Variants in FER observed in about 807,000 individuals in gnomAD.
FER encodes the protein FER tyrosine kinase.
In FER, 63 loss-of-function variants were observed where a neutral mutation model predicts 111.0. The observed-to-expected ratio is 0.57, with a 90% confidence interval of 0.46 to 0.70. The LOEUF is 0.70. FER is among the 30% of genes least tolerant of loss of function. The pLI is 0.00. For synonymous variants in FER, 327 were observed against 313.9 expected (o/e 1.04, Z -0.44); for missense variants, 914 against 954.0 (o/e 0.96, Z 0.55).
At chr5:109,105,860 T>G (rs1422343790) in intron 17 of FER, among the ~76,000 whole-genome samples, 1 of 152,226 alleles carries the variant, frequency 6.6e-6, no homozygotes, top group Non-Finnish European at 1.5e-5. Flanking sequence ...TGATTTTTAT[T>G]CATATCGTTC....
chr5:109,050,715 T>C lies in FER; in HGVS notation c.1924+3517T>C, dbSNP rs143033120. On this transcript the variant is annotated intron_variant, in intron 16 of 19. Transcript: ENST00000281092. ...CATGGAAAATCTTATTCTGTGGGCC[T>C]TGTCTGAATTTTAAACTGATACCAA... Among the ~76,000 whole-genome samples, 315 of 152,294 alleles carry C rather than the reference T, an allele frequency of 2.1e-3. 1 individual carries two copies. Among genetic ancestry groups the C allele is most frequent in the African/African-American group, 7.2e-3 (299 of 41,558 alleles).
At chr5:108,911,467 G>T (rs1171974108) in intron 10 of FER, among the ~76,000 whole-genome samples, 1 of 152,024 alleles carries the variant, frequency 6.6e-6, no homozygotes, top group African/African-American at 2.4e-5. Flanking sequence ...AAACTTTCTA[G>T]TTTAAGTCTC....
chr5:109,119,662 C>G lies in FER; in HGVS notation c.2048+19143C>G, dbSNP rs180807221. On this transcript the variant is annotated intron_variant, in intron 17 of 19. Transcript: ENST00000281092. Reference sequence around the variant, plus strand: ...GGAGTCTAAGTCTCTTTGTAGGTCTCTAAGGACTTGCTTTATGAATCTGGG... The same window carrying G: ...GGAGTCTAAGTCTCTTTGTAGGTCTGTAAGGACTTGCTTTATGAATCTGGG... Among the ~76,000 whole-genome samples the G allele has an allele frequency of 3.1e-3, 464 of 152,120 alleles. 1 individual carries two copies. The highest frequency in any genetic ancestry group is 0.011 in the African/African-American group (438 of 41,502).
At chr5:109,123,149 C>A (rs1751211064) in intron 17 of FER, among the ~76,000 whole-genome samples, 9 of 140,580 alleles carry the variant, frequency 6.4e-5, no homozygotes, top group Admixed American at 5.7e-4. Context: ...TTCCTTCCTT[C>A]CTGTCTTGTT....
At chr5:108,782,168 G>A (rs62361341) in intron 2 of FER, among the ~76,000 whole-genome samples, 36,527 of 152,062 alleles carry the variant, frequency 0.24, 4,687 homozygotes, top group African/African-American at 0.32. Context: ...TGTTCCTCCA[G>A]TTTGTGGGGC....
intron 10 of FER, among the ~76,000 whole-genome samples, chr5:108,906,889 G>T (rs1750853859): frequency 6.6e-6 from 1 of 152,060 alleles, no homozygotes; most frequent in Admixed American, 6.6e-5. Flanking sequence ...TCTACCAGTT[G>T]AAACCTGTTT....
intron 17 of FER, among the ~76,000 whole-genome samples, chr5:109,107,843 C>T (rs1221483938): frequency 6.6e-6 from 1 of 152,090 alleles, no homozygotes; most frequent in Non-Finnish European, 1.5e-5. Context: ...TGCAAAGGGC[C>T]CTCAAATGAC....
At chr5:108,846,191 TTG>T (rs201061032) in intron 5 of FER, among the ~76,000 whole-genome samples, 4 of 152,194 alleles carry the variant, frequency 2.6e-5, no homozygotes, top group Non-Finnish European at 4.4e-5. Flanking sequence ...TTGGTAGACT[TTG>T]CTTGTGAAAC....
intron 2 of FER, among the ~76,000 whole-genome samples, chr5:108,770,157 A>G (rs993496205): frequency 6.6e-6 from 1 of 152,224 alleles, no homozygotes; most frequent in African/African-American, 2.4e-5. Flanking sequence ...CATGTTGGTC[A>G]GGCTGGTCTC....
At chr5:108,796,437 G>A (rs947459247) in intron 2 of FER, among the ~76,000 whole-genome samples, 5 of 152,200 alleles carry the variant, frequency 3.3e-5, no homozygotes, top group Admixed American at 6.5e-5. Context: ...TGAAGCCAGC[G>A]AAGCTTGTGT....
intron 16 of FER, among the ~76,000 whole-genome samples, chr5:109,098,461 C>A (rs1440444958): frequency 6.6e-6 from 1 of 151,584 alleles, no homozygotes; most frequent in East Asian, 1.9e-4. Flanking sequence ...CAGAAAAGAT[C>A]ATTTCATTTA....
At chr5:108,946,587 G>A (rs1757017355) in intron 11 of FER, among the ~76,000 whole-genome samples, 1 of 151,718 alleles carries the variant, frequency 6.6e-6, no homozygotes, top group African/African-American at 2.4e-5. Context: ...TTTTACAGTA[G>A]GGATTACTAT....
chr5:108,803,711 C>T (rs1389737200), intron 3 of FER, among the ~76,000 whole-genome samples: 1 of 151,670 alleles, frequency 6.6e-6, no homozygotes, highest in Non-Finnish European at 1.5e-5. Context: ...TTTTGTACCA[C>T]TACCATGCTG....
chr5:109,129,778 C>A (rs780206231), intron 17 of FER, among the ~76,000 whole-genome samples: 6 of 151,942 alleles, frequency 3.9e-5, no homozygotes, highest in Non-Finnish European at 5.9e-5. Context: ...AAAATGCATA[C>A]CCTTTTACAC....
At chr5:108,880,599 T>C (rs1765579907) in intron 8 of FER, among the ~76,000 whole-genome samples, 1 of 152,090 alleles carries the variant, frequency 6.6e-6, no homozygotes, top group South Asian at 2.1e-4. Flanking sequence ...AATATAGTAA[T>C]GTTTTCTTTA....
At chr5:109,023,607 T>C (rs1768243621) in intron 13 of FER, among the ~76,000 whole-genome samples, 1 of 152,186 alleles carries the variant, frequency 6.6e-6, no homozygotes, top group South Asian at 2.1e-4. Flanking sequence ...GGTTCCCTTA[T>C]GTCCATTTTT....
rs1020019688 is a variant in FER, at chr5:108,993,889, C to CT, written c.1656+34550dup. ...TTCTCTAATGATCAGTGATGTTGAGCTTTTTTTTCATGTTTATTAGCCCCT... is the reference window on the plus strand; with the variant it reads ...TTCTCTAATGATCAGTGATGTTGAGCTTTTTTTTTCATGTTTATTAGCCCCT... On this transcript the variant is annotated intron_variant, in intron 13 of 19. Transcript: ENST00000281092. Among the ~76,000 whole-genome samples, 8 of 151,882 alleles carry CT rather than the reference C, an allele frequency of 5.3e-5. No homozygotes were observed. The South Asian group carries it at 8.3e-4, about 16-fold the overall frequency.
At chr5:109,114,071 T>C (rs182539228) in intron 17 of FER, among the ~76,000 whole-genome samples, 1 of 152,120 alleles carries the variant, frequency 6.6e-6, no homozygotes. Context: ...TTCTTAGAAT[T>C]GAAAGTCTGT....
chr5:109,120,464 A>AT (rs1750829356), intron 17 of FER, among the ~76,000 whole-genome samples: 1 of 151,906 alleles, frequency 6.6e-6, no homozygotes, highest in South Asian at 2.1e-4. Context: ...CTTTGTGTCT[A>AT]TTTTTATTGC....
Sources: gnomAD v4.1 joint callset for allele counts (sites outside exome capture counted in the v4.1 genomes callset) on GRCh38, gnomAD v4.1.1 for gene constraint, MANE v1.5 for transcripts, NCBI Gene and HGNC (gene_info 2026-07-23, HGNC 2026-07-21) for gene names.